The following PPP1R1A variants were observed in gnomAD, a reference collection of about 807,000 sequenced individuals.
The protein encoded by PPP1R1A is protein phosphatase 1 regulatory inhibitor subunit 1A.
Under a neutral mutation model 23.9 loss-of-function variants are expected in PPP1R1A, and 18 were observed. The observed-to-expected ratio is 0.75, with a 90% CI of 0.52 to 1.12. The LOEUF is 1.12. Ranked by LOEUF, PPP1R1A falls within the 50% of genes most tolerant of loss-of-function variation. The probability of loss-of-function intolerance (pLI) is 0.00; values close to 1 mark genes in which losing one functional copy is unlikely to be tolerated. For synonymous variants in PPP1R1A, 84 were observed against 80.7 expected, an observed-to-expected ratio of 1.04 and a Z score of -0.22; for missense variants, 207 against 223.8, an observed-to-expected ratio of 0.92 and a Z score of 0.48.
Position 54,580,120 on chromosome 12 carries a change from C to T in PPP1R1A, c.*267G>A. 3.2e-6 allele frequency: 4 copies of T among 1,254,216 alleles called. No individual in the cohort carries two copies. Among genetic ancestry groups the T allele is most frequent in the Non-Finnish European group, 4.0e-6 (4 of 991,618 alleles). 77.7% of individuals were successfully genotyped at this position (1,254,216 alleles called of 1,614,324 possible). A position where few individuals can be genotyped will look rare whatever the true frequency, so the allele number is the denominator to read the frequency against. On this transcript the variant is annotated 3_prime_UTR_variant, in exon 7 of 7. Transcript: ENST00000257905. ...GTCAGGGCTAAGGGAAGAACTCTTC[C>T]CTGCTCAAGGCTTCTGCCTAGCTCC... is the stretch of plus-strand genomic sequence containing the variant.
chr12:54,580,187 G>T lies in PPP1R1A; in HGVS notation c.*200C>A, dbSNP rs1213318942. On this transcript the variant is annotated 3_prime_UTR_variant, in exon 7 of 7. Transcript: ENST00000257905. Reference sequence around the variant, plus strand: ...GAGGCAGCTTGGCAGGAGGGTGGGGGCTACAGAGAGGGCAGGGCAAGAAGG... The same window carrying T: ...GAGGCAGCTTGGCAGGAGGGTGGGGTCTACAGAGAGGGCAGGGCAAGAAGG... 1.4e-6 allele frequency: 2 copies of T among 1,390,946 alleles called. No individual in the cohort carries two copies. The highest frequency in any genetic ancestry group is 1.9e-6 in the Non-Finnish European group (2 of 1,070,098). 86.2% of individuals were successfully genotyped at this position (1,390,946 alleles called of 1,614,324 possible). A position where few individuals can be genotyped will look rare whatever the true frequency, so the allele number is the denominator to read the frequency against.
In PPP1R1A at chr12:54,581,920, G is replaced by A; in HGVS notation, c.403+56C>T. On this transcript the variant is annotated intron_variant, in intron 5 of 6. Transcript: ENST00000257905. The surrounding 1 kb of genome is among the most constrained non-coding windows in gnomAD (Gnocchi z 4.1). Reference sequence around the variant, plus strand: ...CCCCTCCCCGCAGTGGGTAAGGCTTGCCTCCTGCTGGGCTGGGAAATAGGA... The same window carrying A: ...CCCCTCCCCGCAGTGGGTAAGGCTTACCTCCTGCTGGGCTGGGAAATAGGA... 1 of 1,557,576 alleles carries A rather than the reference G, an allele frequency of 6.4e-7. No homozygotes were observed. Among genetic ancestry groups the A allele is most frequent in the East Asian group, 2.3e-5 (1 of 43,886 alleles).
In PPP1R1A at chr12:54,584,275, C is replaced by G. The variant is rs1957886629; in HGVS notation, c.130G>C (p.Asp44His). The part of the protein sequence containing the change: ...PTPATLVLTS[D>H]QSSPEIDEDR... ...CTTGGCTTACCTGGGGATGACTGGT[C>G]ACTGGTCAGCACGAGGGTGGCAGGG... is the stretch of plus-strand genomic sequence containing the variant. Residue 44 changes from aspartate (D) to histidine (H), a missense_variant, in exon 2 of 7, where the codon GAC becomes CAC. By Grantham distance (81) the Asp-to-His change is moderately conservative. Coordinates refer to ENST00000257905, the MANE Select transcript of PPP1R1A (RefSeq NM_006741.4). 3.7e-6 allele frequency: 6 copies of G among 1,603,564 alleles called. No individual in the cohort carries two copies. In the Admixed American group the frequency reaches 1.0e-4, roughly 27 times the overall value.
chr12:54,582,640 C>T, intron 4 of PPP1R1A, 92 bp downstream of exon 4: 3 of 1,422,644 alleles, frequency 2.1e-6, no homozygotes, highest in Non-Finnish European at 9.9e-7. Flanking sequence ...ATAATAAAGG[C>T]AGATTTAACG....
chr12:54,579,953 C>T lies in PPP1R1A; in HGVS notation c.*434G>A. 3.0e-6 allele frequency: 3 copies of T among 994,440 alleles called. No individual in the cohort carries two copies. Among genetic ancestry groups the T allele is most frequent in the Non-Finnish European group, 3.6e-6 (3 of 835,292 alleles). 61.6% of individuals were successfully genotyped at this position (994,440 alleles called of 1,614,324 possible). ...CACAGGCCTTAGAGCGCCGAGTCTT[C>T]CAGCTGCAGGGCAGGCCTGTGAGGT... On this transcript the variant is annotated 3_prime_UTR_variant, in exon 7 of 7. Transcript: ENST00000257905.
At chr12:54,583,083 G>C (rs939179279) in intron 3 of PPP1R1A, 128 bp downstream of exon 3, 2 of 973,492 alleles carry the variant, frequency 2.1e-6, no homozygotes, top group Non-Finnish European at 3.0e-6. Flanking sequence ...ATGCACATTT[G>C]GGGGGTAGAG....
At chr12:54,583,464 C>T (rs1347060396) in intron 2 of PPP1R1A, among the ~76,000 whole-genome samples, 4 of 152,194 alleles carry the variant, frequency 2.6e-5, no homozygotes, top group Admixed American at 1.3e-4. Context: ...CATCTAGTCC[C>T]GTCCTTGGCT....
chr12:54,586,947 C>A (rs1287833566), intron 1 of PPP1R1A, among the ~76,000 whole-genome samples: 2 of 152,326 alleles, frequency 1.3e-5, no homozygotes, highest in South Asian at 2.1e-4. Flanking sequence ...CTGGCTGATG[C>A]CCTGCCTCCA....
At chr12:54,584,886 C>T (rs1957893816) in intron 1 of PPP1R1A, among the ~76,000 whole-genome samples, 1 of 152,150 alleles carries the variant, frequency 6.6e-6, no homozygotes, top group African/African-American at 2.4e-5. Flanking sequence ...TCCACCTCCC[C>T]CTGGTCCTGG....
At chr12:54,582,889 C>T (rs1401845813) in intron 3 of PPP1R1A, 94 bp from the exon 4 acceptor site, 17 of 1,312,564 alleles carry the variant, frequency 1.3e-5, no homozygotes, top group Admixed American at 2.1e-5. Context: ...TCCAGCCCCC[C>T]TTGCCTTCCT....
Position 54,579,899 on chromosome 12 carries a change from GC to G in PPP1R1A, c.*487del. ...GTTCCCCTTTTGTCCAGCAGATGGA[GC>G]CCACCGCACAGTCACAGCTGGACAC... On this transcript the variant is annotated 3_prime_UTR_variant, in exon 7 of 7. Transcript: ENST00000257905. 1 of 986,622 alleles carries G rather than the reference GC, an allele frequency of 1.0e-6. No individual in the cohort carries two copies. Among genetic ancestry groups the G allele is most frequent in the Non-Finnish European group, 1.2e-6 (1 of 830,816 alleles). 61.1% of individuals were successfully genotyped at this position (986,622 alleles called of 1,614,324 possible).
rs529155334 is a variant in PPP1R1A at position 54,585,012 on chromosome 12, T to C, written c.85-692A>G. ...ACTTAAGAGGGCACAGGGCTTTCTCTCAGTGTTCTAACCCACTCCCCAAGC... is the reference window on the plus strand; with the variant it reads ...ACTTAAGAGGGCACAGGGCTTTCTCCCAGTGTTCTAACCCACTCCCCAAGC... On this transcript the variant is annotated intron_variant, in intron 1 of 6. Transcript: ENST00000257905. Among the ~76,000 whole-genome samples, 15 of 151,978 alleles carry C rather than the reference T, an allele frequency of 9.9e-5. No individual in the cohort carries two copies. In the South Asian group the frequency reaches 2.5e-3, roughly 25 times the overall value.
intron 1 of PPP1R1A, among the ~76,000 whole-genome samples, chr12:54,585,819 G>C (rs929137412): frequency 2.0e-5 from 3 of 149,158 alleles, no homozygotes; most frequent in African/African-American, 7.5e-5. Context: ...GCAAAGAATG[G>C]GGGTATGTGG....
At chr12:54,585,218 G>A (rs1957897976) in intron 1 of PPP1R1A, among the ~76,000 whole-genome samples, 1 of 152,324 alleles carries the variant, frequency 6.6e-6, no homozygotes, top group South Asian at 2.1e-4. Flanking sequence ...AAGAAATGGG[G>A]TTGGGGGAAT....
rs762491978 is a variant in PPP1R1A, at chr12:54,581,968, G to A, written c.403+8C>T. 1.2e-6 allele frequency: 2 copies of A among 1,608,314 alleles called. No homozygotes were observed. The highest frequency in any genetic ancestry group is 1.7e-6 in the Non-Finnish European group (2 of 1,176,906). The stretch of plus-strand genomic sequence containing the variant: ...GGATGCCTGGGGCCCTCCCCAGCCT[G>A]AACATACTTTTTGCTGTCCCAGAGG... On this transcript the variant is annotated splice_region_variant and intron_variant, in intron 5 of 6. Transcript: ENST00000257905. The surrounding 1 kb of genome is among the most constrained non-coding windows in gnomAD (Gnocchi z 4.1).
chr12:54,583,294 G>C, intron 2 of PPP1R1A, 46 bp from the exon 3 acceptor site: 1 of 1,447,888 alleles, frequency 6.9e-7, no homozygotes, highest in East Asian at 2.6e-5. Context: ...CAGGAAACCA[G>C]GGATCCCCAT....
In PPP1R1A at chr12:54,588,389, C is replaced by T. The variant is rs2121222082; in HGVS notation, c.84+16G>A. 6.7e-7 allele frequency: 1 copy of T among 1,493,440 alleles called. No homozygotes were observed. Among genetic ancestry groups the T allele is most frequent in the Non-Finnish European group, 9.0e-7 (1 of 1,116,132 alleles). 92.5% of individuals were successfully genotyped at this position (1,493,440 alleles called of 1,614,324 possible). A position where few individuals can be genotyped will look rare whatever the true frequency, so the allele number is the denominator to read the frequency against. ...TTGGCTGGGCGAGTGCCCTGCCGCCCCGCCCTGCTCCGCACCTGCTCCGCC... is the reference window on the plus strand; with the variant it reads ...TTGGCTGGGCGAGTGCCCTGCCGCCTCGCCCTGCTCCGCACCTGCTCCGCC... On this transcript the variant is annotated intron_variant, in intron 1 of 6. Transcript: ENST00000257905.
At chr12:54,582,855 C>CT in intron 3 of PPP1R1A, 60 bp from the exon 4 acceptor site, 2 of 1,550,446 alleles carry the variant, frequency 1.3e-6, no homozygotes, top group South Asian at 2.3e-5. Context: ...AGACCCCTCC[C>CT]TTGCCCTCTA....
rs1350890285 is a variant in PPP1R1A, at chr12:54,580,073, C to T, written c.*314G>A. ...GTCCTCCCACCTATCTGACCCTCATCTCTCTTCCCACAGCAAGTAAAGTCA... is the reference window on the plus strand; with the variant it reads ...GTCCTCCCACCTATCTGACCCTCATTTCTCTTCCCACAGCAAGTAAAGTCA... On this transcript the variant is annotated 3_prime_UTR_variant, in exon 7 of 7. Coordinates refer to ENST00000257905, the MANE Select transcript of PPP1R1A (RefSeq NM_006741.4). 3 of 1,087,664 alleles carry T rather than the reference C, an allele frequency of 2.8e-6. No homozygotes were observed. The allele number at this position is 1,087,664 out of a possible 1,614,324, so 67.4% of individuals were successfully genotyped here.
Sources: allele counts gnomAD v4.1 joint callset (sites outside exome capture counted in the v4.1 genomes callset), GRCh38; gene constraint gnomAD v4.1.1; non-coding constraint Gnocchi (gnomAD v3.1); transcripts MANE v1.5; gene names NCBI Gene and HGNC (gene_info 2026-07-23, HGNC 2026-07-21).